Variants in ARHGAP15 observed in about 807,000 individuals in gnomAD.
The protein encoded by ARHGAP15 is Rho GTPase activating protein 15, also known as rho GTPase-activating protein 15.
In ARHGAP15, 51 loss-of-function variants were observed where a neutral mutation model predicts 63.7. The observed-to-expected ratio is 0.80, with a 90% CI of 0.64 to 1.01. The LOEUF (loss-of-function observed/expected upper bound fraction) is 1.01, where lower values mean the gene tolerates loss of function less well. Ranked by LOEUF, ARHGAP15 falls within the 50% of genes least tolerant of loss-of-function variation. The pLI, the probability that ARHGAP15 is intolerant of heterozygous loss-of-function variation, is 0.00. For missense variants in ARHGAP15, 560 were observed against 564.6 expected (o/e 0.99, Z 0.08); for synonymous variants, 191 against 193.8 (o/e 0.99, Z 0.12).
intron 12 of ARHGAP15, among the ~76,000 whole-genome samples, chr2:143,699,290 G>C (rs1683982313): frequency 6.6e-6 from 1 of 152,062 alleles, no homozygotes; most frequent in Admixed American, 6.6e-5. Context: ...CTTTTCAGAA[G>C]ATTTTGTTCT....
intron 12 of ARHGAP15, among the ~76,000 whole-genome samples, chr2:143,699,081 A>G (rs1040527398): frequency 6.6e-6 from 1 of 152,182 alleles, no homozygotes; most frequent in African/African-American, 2.4e-5. Flanking sequence ...CTCCTGTATT[A>G]TGTATGCTGA....
chr2:143,510,917 C>G (rs1174385296), intron 9 of ARHGAP15, among the ~76,000 whole-genome samples: 2 of 152,168 alleles, frequency 1.3e-5, no homozygotes, highest in Non-Finnish European at 2.9e-5. Flanking sequence ...TGGAGACTGT[C>G]TCCTGCATAA....
intron 2 of ARHGAP15, among the ~76,000 whole-genome samples, chr2:143,194,745 A>G (rs1350706753): frequency 6.6e-6 from 1 of 152,208 alleles, no homozygotes; most frequent in African/African-American, 2.4e-5. Context: ...TACAAAAAAC[A>G]TAGGGGAAAG....
At chr2:143,567,223 A>G (rs1417300705) in intron 11 of ARHGAP15, among the ~76,000 whole-genome samples, 1 of 152,066 alleles carries the variant, frequency 6.6e-6, no homozygotes, top group Non-Finnish European at 1.5e-5. Context: ...TGTGGCATCT[A>G]TGTAAGCAAG....
intron 8 of ARHGAP15, among the ~76,000 whole-genome samples, chr2:143,482,006 A>C (rs901872920): frequency 6.6e-6 from 1 of 152,182 alleles, no homozygotes; most frequent in Non-Finnish European, 1.5e-5. Context: ...AAAGCATTCT[A>C]TTTGTTCAGG....
chr2:143,473,523 G>A (rs1691674842), intron 8 of ARHGAP15, among the ~76,000 whole-genome samples: 1 of 152,174 alleles, frequency 6.6e-6, no homozygotes, highest in African/African-American at 2.4e-5. Flanking sequence ...GAGGATTAAG[G>A]GACAACAATG....
In ARHGAP15 at chr2:143,656,852, A is replaced by C. The variant is rs186700025; in HGVS notation, c.1138+32585A>C. 9.2e-5 allele frequency among the ~76,000 whole-genome samples: 14 copies of C among 152,104 alleles called. No homozygotes were observed. The East Asian group carries it at 2.7e-3, about 30-fold the overall frequency. On this transcript the variant is annotated intron_variant, in intron 12 of 13. Coordinates refer to ENST00000295095, the MANE Select transcript of ARHGAP15 (RefSeq NM_018460.4). ...CAGGACATTTAACTGGGTCAGACCT[A>C]AAGCAGAACTTGGTCACAAAGACCT... is the stretch of plus-strand genomic sequence containing the variant.
At position 143,722,552 on chromosome 2, in the gene ARHGAP15, C is replaced by T. The variant is rs1342753176; in HGVS notation, c.1244+19028C>T. On this transcript the variant is annotated intron_variant, in intron 13 of 13. Transcript: ENST00000295095. ...AGTGGAGAAGATAAAAGTGTGCAAT[C>T]GGAAGTCTAAGGTTTTGCCTTTGCA... is the stretch of plus-strand genomic sequence containing the variant. Among the ~76,000 whole-genome samples, 3 of 152,056 alleles carry T rather than the reference C, an allele frequency of 2.0e-5. No homozygotes were observed. The East Asian group carries it at 5.8e-4, about 29-fold the overall frequency.
chr2:143,175,472 G>C (rs531314877), intron 2 of ARHGAP15, among the ~76,000 whole-genome samples: 1 of 152,256 alleles, frequency 6.6e-6, no homozygotes, highest in East Asian at 1.9e-4. Context: ...GAGGCCTTGT[G>C]GTTGTCAGAG....
chr2:143,733,117 C>A (rs1685610192), intron 13 of ARHGAP15, among the ~76,000 whole-genome samples: 1 of 152,118 alleles, frequency 6.6e-6, no homozygotes, highest in Admixed American at 6.6e-5. Context: ...GTTGAGGCAA[C>A]TCTCAGTTCA....
intron 6 of ARHGAP15, among the ~76,000 whole-genome samples, chr2:143,380,462 G>A (rs1432233610): frequency 1.3e-5 from 2 of 152,142 alleles, no homozygotes; most frequent in Non-Finnish European, 2.9e-5. Context: ...TATTGTCCAA[G>A]TACACTTGTT....
intron 8 of ARHGAP15, among the ~76,000 whole-genome samples, chr2:143,468,028 G>T (rs1691315895): frequency 6.6e-6 from 1 of 151,954 alleles, no homozygotes; most frequent in Non-Finnish European, 1.5e-5. Context: ...TTAGACCTTT[G>T]CTTCCTTAAA....
intron 5 of ARHGAP15, among the ~76,000 whole-genome samples, chr2:143,239,944 T>TCCC (rs1177937011): frequency 1.7e-5 from 2 of 118,942 alleles, no homozygotes; most frequent in Non-Finnish European, 3.2e-5. Context: ...TGAGCCGAGA[T>TCCC]CCCATCACTG....
intron 6 of ARHGAP15, among the ~76,000 whole-genome samples, chr2:143,330,961 G>A (rs1206494186): frequency 1.3e-5 from 2 of 152,110 alleles, no homozygotes; most frequent in Non-Finnish European, 2.9e-5. Context: ...CATTTCTTTG[G>A]TTTGAGTTGT....
At chr2:143,502,826 C>T (rs1360027956) in intron 9 of ARHGAP15, among the ~76,000 whole-genome samples, 1 of 152,148 alleles carries the variant, frequency 6.6e-6, no homozygotes, top group East Asian at 1.9e-4. Flanking sequence ...GTGATCCACC[C>T]ACCTCAACCT....
intron 12 of ARHGAP15, among the ~76,000 whole-genome samples, chr2:143,677,297 A>G (rs1008700503): frequency 4.6e-5 from 7 of 152,256 alleles, no homozygotes; most frequent in African/African-American, 1.2e-4. Flanking sequence ...TAACTGAACC[A>G]TGAATGGAAC....
intron 1 of ARHGAP15, among the ~76,000 whole-genome samples, chr2:143,150,310 A>C (rs1469081375): frequency 6.6e-6 from 1 of 152,030 alleles, no homozygotes; most frequent in Non-Finnish European, 1.5e-5. Context: ...AACAGAATGC[A>C]ACAAATAATT....
At chr2:143,370,029 G>A (rs962558005) in intron 6 of ARHGAP15, among the ~76,000 whole-genome samples, 1 of 152,086 alleles carries the variant, frequency 6.6e-6, no homozygotes, top group Admixed American at 6.6e-5. Context: ...ATCATTTTGG[G>A]ACAGTAAGAA....
At chr2:143,402,418 G>A (rs1010473165) in intron 6 of ARHGAP15, among the ~76,000 whole-genome samples, 1 of 151,798 alleles carries the variant, frequency 6.6e-6, no homozygotes, top group Non-Finnish European at 1.5e-5. Flanking sequence ...AGGTACTAGG[G>A]AAGATTTAGC....
Sources: gnomAD v4.1 joint callset for allele counts (sites outside exome capture counted in the v4.1 genomes callset) on GRCh38, gnomAD v4.1.1 for gene constraint, MANE v1.5 for transcripts, NCBI Gene and HGNC (gene_info 2026-07-23, HGNC 2026-07-21) for gene names.